PATL2: variants seen among roughly 807,000 people sequenced by gnomAD.
PATL2 encodes the protein PAT1 homolog 2, also known as protein PAT1 homolog 2.
Under a neutral mutation model 77.0 loss-of-function variants are expected in PATL2, and 73 were observed. That is an observed-to-expected ratio of 0.95 (90% CI 0.78 to 1.15). The LOEUF (loss-of-function observed/expected upper bound fraction) is 1.15, where lower values mean the gene tolerates loss of function less well. Ranked by LOEUF, PATL2 falls within the 50% of genes most tolerant of loss-of-function variation. PATL2 has a pLI of 0.00. For missense variants in PATL2, 618 were observed against 655.4 expected, an observed-to-expected ratio of 0.94 and a Z score of 0.62; for synonymous variants, 265 against 257.1, an observed-to-expected ratio of 1.03 and a Z score of -0.29.
chr15:44,708,793 T>C (rs1566873203), intron 3 of PATL2, among the ~76,000 whole-genome samples: 4 of 152,380 alleles, frequency 2.6e-5, no homozygotes, highest in African/African-American at 7.2e-5. Flanking sequence ...AGTCTTTGTA[T>C]AGACATATGC....
chr15:44,666,932 A>G (rs917630649), intron 16 of PATL2, 174 bp downstream of exon 16: 43 of 600,298 alleles, frequency 7.2e-5, no homozygotes, highest in Admixed American at 9.2e-5. Flanking sequence ...CCTAGAAGAA[A>G]CCGAAACTCT....
chr15:44,700,930 G>A (rs2086615453), intron 3 of PATL2, among the ~76,000 whole-genome samples: 1 of 152,078 alleles, frequency 6.6e-6, no homozygotes, highest in Non-Finnish European at 1.5e-5. Context: ...ACTGTGTTGA[G>A]GTATGTTCCT....
intron 3 of PATL2, among the ~76,000 whole-genome samples, chr15:44,701,600 G>T (rs972438817): frequency 1.8e-4 from 27 of 151,158 alleles, no homozygotes; most frequent in African/African-American, 6.1e-4. Context: ...GGAAGCTGAG[G>T]CATGAGAATT....
At chr15:44,692,016 T>A (rs2086403870) in intron 3 of PATL2, among the ~76,000 whole-genome samples, 2 of 152,198 alleles carry the variant, frequency 1.3e-5, no homozygotes, top group Non-Finnish European at 1.5e-5. Flanking sequence ...GGTAAAAATG[T>A]ATGGCATGTT....
At chr15:44,707,155 G>T (rs972889335) in intron 3 of PATL2, among the ~76,000 whole-genome samples, 4 of 152,074 alleles carry the variant, frequency 2.6e-5, no homozygotes, top group African/African-American at 9.7e-5. Flanking sequence ...AGGGAAGCAG[G>T]CTCCCCTCTG....
chr15:44,686,658 C>A (rs2086264776), intron 3 of PATL2, among the ~76,000 whole-genome samples: 1 of 151,468 alleles, frequency 6.6e-6, no homozygotes, highest in Non-Finnish European at 1.5e-5. Context: ...AGACAACTAG[C>A]CATACTAATA....
At position 44,670,046 on chromosome 15, in the gene PATL2, C is replaced by T. The variant is rs1357553888; in HGVS notation, c.699G>A (p.Glu233=). The T allele has an allele frequency of 1.7e-5, 26 of 1,551,404 alleles. No homozygotes were observed. The highest frequency in any genetic ancestry group is 2.3e-5 in the Non-Finnish European group (26 of 1,146,952). Residue 233 remains glutamate (E), a synonymous_variant, in exon 10 of 18, where the codon GAG becomes GAA. Coordinates refer to ENST00000682850, the MANE Select transcript of PATL2 (RefSeq NM_001387263.1). ...QKLEKKQADE[E]LLGRRNRVES... Reference sequence around the variant, plus strand: ...CAACCCGGTTTCTTCGTCCAAGTAGCTCTTCGTCTGCCTGCTTCTTCTCTA... The same window carrying T: ...CAACCCGGTTTCTTCGTCCAAGTAGTTCTTCGTCTGCCTGCTTCTTCTCTA...
At chr15:44,674,876 T>TGGC in intron 5 of PATL2, 1 of 152,232 alleles carries the variant, frequency 6.6e-6, no homozygotes, top group African/African-American at 2.4e-5. Context: ...GCCAGTTTAA[T>TGGC]TTAAGAATTA....
intron 3 of PATL2, among the ~76,000 whole-genome samples, chr15:44,682,372 A>C (rs941475672): frequency 6.6e-6 from 1 of 152,070 alleles, no homozygotes; most frequent in East Asian, 1.9e-4. Context: ...TGCTCATTGC[A>C]CCTACCACAC....
chr15:44,694,968 C>A (rs953102539), intron 3 of PATL2, among the ~76,000 whole-genome samples: 1 of 151,994 alleles, frequency 6.6e-6, no homozygotes, highest in Non-Finnish European at 1.5e-5. Flanking sequence ...TCCACCACCC[C>A]CTAAAAGCAG....
chr15:44,676,978 A>G, intron 3 of PATL2: 2 of 917,552 alleles, frequency 2.2e-6, no homozygotes, highest in Non-Finnish European at 2.6e-6. Context: ...CACCCATTAA[A>G]GGGCTAGCAT....
intron 3 of PATL2, among the ~76,000 whole-genome samples, chr15:44,698,749 G>T (rs559092356): frequency 2.3e-4 from 35 of 152,100 alleles, no homozygotes; most frequent in African/African-American, 8.2e-4. Context: ...TTTCTTTTGC[G>T]TATATACCCA....
At chr15:44,689,624 T>C (rs2086341193) in intron 3 of PATL2, among the ~76,000 whole-genome samples, 1 of 150,018 alleles carries the variant, frequency 6.7e-6, no homozygotes, top group African/African-American at 2.5e-5. Context: ...GAAAACCAAA[T>C]ACTGCATGCT....
intron 9 of PATL2, among the ~76,000 whole-genome samples, chr15:44,671,261 G>C (rs908465787): frequency 6.6e-6 from 1 of 152,150 alleles, no homozygotes; most frequent in Non-Finnish European, 1.5e-5. Context: ...GGCCGAGGCG[G>C]GTGGATCACT....
chr15:44,668,539 C>T, intron 14 of PATL2, 57 bp from the exon 15 acceptor site: 3 of 1,529,924 alleles, frequency 2.0e-6, no homozygotes, highest in Middle Eastern at 2.0e-4. Context: ...CCTCCCCTTA[C>T]CTTGCTTCCA....
chr15:44,681,908 G>T (rs1281435563), intron 3 of PATL2, among the ~76,000 whole-genome samples: 7 of 152,180 alleles, frequency 4.6e-5, no homozygotes, highest in Non-Finnish European at 1.0e-4. Context: ...CTACCTTCTA[G>T]ATTGAGTTTC....
chr15:44,668,564 G>A (rs1431944652), intron 14 of PATL2, 82 bp from the exon 15 acceptor site: 41 of 1,486,546 alleles, frequency 2.8e-5, no homozygotes, highest in East Asian at 1.0e-4. Context: ...CCCTTCCCTC[G>A]CTGACCTGTC....
intron 3 of PATL2, among the ~76,000 whole-genome samples, chr15:44,680,547 G>T (rs2086111294): frequency 6.6e-6 from 1 of 152,072 alleles, no homozygotes; most frequent in Admixed American, 6.6e-5. Context: ...TCTCTTCCTG[G>T]ATGCTTGGCC....
intron 5 of PATL2, 31 bp downstream of exon 5, chr15:44,675,454 CA>C: frequency 6.5e-7 from 1 of 1,540,412 alleles, no homozygotes; most frequent in Non-Finnish European, 8.8e-7. Flanking sequence ...CAGTTCAGGA[CA>C]ACCCTCTCCC....
Sources: allele counts gnomAD v4.1 joint callset (sites outside exome capture counted in the v4.1 genomes callset), GRCh38; gene constraint gnomAD v4.1.1; transcripts MANE v1.5; gene names NCBI Gene and HGNC (gene_info 2026-07-23, HGNC 2026-07-21).